Variants in ZXDC observed in about 807,000 individuals in gnomAD.
ZXDC encodes the protein ZXD family zinc finger C, also known as zinc finger protein ZXDC.
ZXDC carries 58 observed loss-of-function variants against 63.6 expected under a neutral mutation model. The observed-to-expected ratio is 0.91, with a 90% CI of 0.74 to 1.13. The LOEUF is 1.13. ZXDC is among the 50% of genes most tolerant of loss of function. ZXDC has a pLI of 0.00. For synonymous variants in ZXDC, 561 were observed against 496.1 expected (o/e 1.13, Z -1.74); for missense variants, 1,133 against 1,148.9 (o/e 0.99, Z 0.20).
At chr3:126,459,501 T>C (rs1934436637) in intron 7 of ZXDC, 152 bp downstream of exon 7, 1 of 1,479,014 alleles carries the variant, frequency 6.8e-7, no homozygotes, top group Non-Finnish European at 8.9e-7. Context: ...TTCCCTTAAG[T>C]TCAAATAAAA....
Position 126,466,216 on chromosome 3 carries a change from T to A in ZXDC, c.1380A>T (p.Arg460Ser). 6.2e-7 allele frequency: 1 copy of A among 1,614,106 alleles called. No individual in the cohort carries two copies. ...KSRCPVSTCN[R>S]LFTSKHSMKA... ...TCATGCTGTGCTTGGAGGTGAAGAG[T>A]CTGTTGCAGGTAGAAACTGGGCAAC... The change falls in exon 5 of 10, where the codon AGA (arginine) becomes AGT (serine). Residue 460 changes from arginine to serine, a missense_variant. Transcript: ENST00000389709.
intron 7 of ZXDC, among the ~76,000 whole-genome samples, chr3:126,452,826 T>A (rs1023526496): frequency 6.6e-6 from 1 of 151,072 alleles, no homozygotes; most frequent in East Asian, 2.0e-4. Context: ...ACAACCTCCA[T>A]CTCCTGGGCT....
intron 7 of ZXDC, chr3:126,453,333 T>A: frequency 1.0e-6 from 1 of 985,434 alleles, no homozygotes; most frequent in Non-Finnish European, 1.2e-6. Flanking sequence ...CATATCCCCT[T>A]AAGGATATGT....
chr3:126,468,846 C>G (rs1218040421), intron 4 of ZXDC, among the ~76,000 whole-genome samples: 4 of 152,174 alleles, frequency 2.6e-5, no homozygotes, highest in Non-Finnish European at 5.9e-5. Flanking sequence ...ACATTCCCCA[C>G]TCACCTCAGC....
Position 126,437,875 on chromosome 3 carries a change from G to A in ZXDC, c.*500C>T. 6.4e-6 allele frequency: 1 copy of A among 157,354 alleles called. No individual in the cohort carries two copies. The highest frequency in any genetic ancestry group is 1.9e-4 in the South Asian group (1 of 5,388). 9.7% of individuals were successfully genotyped at this position (157,354 alleles called of 1,614,324 possible). ...TGGGCTAGAATTTGGCTTCACGGTG[G>A]CAATGGGACCACCTGGGCCCTACAG... On this transcript the variant is annotated 3_prime_UTR_variant, in exon 10 of 10. Transcript: ENST00000389709.
chr3:126,457,151 G>A (rs565080860), intron 7 of ZXDC: 1 of 532,524 alleles, frequency 1.9e-6, no homozygotes, highest in East Asian at 1.5e-4. Context: ...GGGCACTGGG[G>A]GAGTCTGGTC....
Position 126,462,137 on chromosome 3 carries a change from T to C in ZXDC, c.1525A>G (p.Met509Val), listed in dbSNP as rs1934578022. ...SSPGQSELTN[M>V]DLAALFSDTP... ...TCAGAGAAGAGTGCAGCAAGATCCATGTTAGTGAGCTCACTTTGGCCTGGG... is the reference window on the plus strand; with the variant it reads ...TCAGAGAAGAGTGCAGCAAGATCCACGTTAGTGAGCTCACTTTGGCCTGGG... Residue 509 changes from methionine to valine, a missense_variant, in exon 6 of 10, where the codon ATG (methionine) becomes GTG (valine). By Grantham distance (21) the Met-to-Val change is conservative (BLOSUM62 1). Coordinates refer to ENST00000389709, the MANE Select transcript of ZXDC (RefSeq NM_025112.5). 2 of 1,613,498 alleles carry C rather than the reference T, an allele frequency of 1.2e-6. No homozygotes were observed. Among genetic ancestry groups the C allele is most frequent in the Non-Finnish European group, 1.7e-6 (2 of 1,180,022 alleles).
intron 7 of ZXDC, chr3:126,458,913 C>T (rs1029722034): frequency 1.5e-5 from 15 of 984,622 alleles, no homozygotes; most frequent in African/African-American, 1.2e-4. Flanking sequence ...AACAGAAAAC[C>T]GGCAATTGTT....
At chr3:126,453,432 G>A (rs1934188001) in intron 7 of ZXDC, 1 of 985,456 alleles carries the variant, frequency 1.0e-6, no homozygotes, top group African/African-American at 1.7e-5. Flanking sequence ...TGTTCTGATA[G>A]GAAGACATCT....
At chr3:126,439,481 A>C in intron 9 of ZXDC, 151 bp downstream of exon 9, 1 of 1,315,280 alleles carries the variant, frequency 7.6e-7, no homozygotes, top group Non-Finnish European at 1.0e-6. Flanking sequence ...CCTTCTCCAG[A>C]AGGCAGCAAG....
chr3:126,463,751 T>C (rs1196012542), intron 5 of ZXDC, among the ~76,000 whole-genome samples: 1 of 152,226 alleles, frequency 6.6e-6, no homozygotes, highest in Non-Finnish European at 1.5e-5. Flanking sequence ...ATTTCTCCCA[T>C]GCCAGCTGTT....
chr3:126,454,064 A>ATTT (rs11375010), intron 7 of ZXDC: 40 of 644,140 alleles, frequency 6.2e-5, no homozygotes, highest in South Asian at 7.1e-5. Context: ...ATATATATAT[A>ATTT]TTTTTTTTTT....
At position 126,475,165 on chromosome 3, in the gene ZXDC, T is replaced by C; in HGVS notation, c.701A>G (p.Lys234Arg). The C allele has an allele frequency of 1.2e-6, 2 of 1,603,990 alleles. No homozygotes were observed. Among genetic ancestry groups the C allele is most frequent in the Non-Finnish European group, 8.5e-7 (1 of 1,175,326 alleles). Reference protein sequence around the residue: ...KLKRHLQSHDKLRPFGCPVGG... With the variant: ...KLKRHLQSHDRLRPFGCPVGG... ...CACTGGACAGCCGAAGGGCCGCAGC[T>C]TGTCGTGCGACTGCAGGTGCCGCTT... Residue 234 changes from lysine to arginine, a missense_variant, in exon 1 of 10, where the codon AAG (lysine) becomes AGG (arginine). Transcript: ENST00000389709.
chr3:126,441,183 A>C (rs1933661100), intron 8 of ZXDC: 2 of 985,588 alleles, frequency 2.0e-6, no homozygotes, highest in Non-Finnish European at 2.4e-6. Context: ...GACCTCCTGG[A>C]AACTGGCCAC....
intron 5 of ZXDC, among the ~76,000 whole-genome samples, chr3:126,465,422 G>A (rs769102494): frequency 6.6e-5 from 10 of 152,164 alleles, no homozygotes; most frequent in African/African-American, 9.7e-5. Context: ...CCAGGCCACC[G>A]TCACTTTCCT....
At position 126,472,306 on chromosome 3, in the gene ZXDC, CTGAA is replaced by C; in HGVS notation, c.908-5_908-2del. On this transcript the variant is annotated splice_acceptor_variant and splice_polypyrimidine_tract_variant and intron_variant, in intron 1 of 9. Coordinates refer to ENST00000389709, the MANE Select transcript of ZXDC (RefSeq NM_025112.5). LOFTEE classifies it high-confidence loss of function. ...ACTGTGATAAATGTCTTCTCACAGC[CTGAA>C]CAAGGAAAACACAAACCCTGCTCAA... 6.2e-7 allele frequency: 1 copy of C among 1,603,474 alleles called. No individual in the cohort carries two copies. The highest frequency in any genetic ancestry group is 8.5e-7 in the Non-Finnish European group (1 of 1,171,314).
At chr3:126,468,516 C>T (rs976575262) in intron 4 of ZXDC, among the ~76,000 whole-genome samples, 1 of 152,172 alleles carries the variant, frequency 6.6e-6, no homozygotes. Context: ...CCATACACCA[C>T]GTGGGGAGTG....
intron 9 of ZXDC, among the ~76,000 whole-genome samples, chr3:126,439,228 G>A (rs956192967): frequency 2.0e-5 from 3 of 152,212 alleles, no homozygotes; most frequent in Non-Finnish European, 4.4e-5. Context: ...TAAGCTATAC[G>A]CTTTCGCTAT....
At chr3:126,448,472 CAA>C (rs1417412872) in intron 7 of ZXDC, among the ~76,000 whole-genome samples, 1 of 152,138 alleles carries the variant, frequency 6.6e-6, no homozygotes, top group Non-Finnish European at 1.5e-5. Flanking sequence ...GACAGGACCC[CAA>C]AGTGTCTGTG....
Sources: gnomAD v4.1 joint callset for allele counts (sites outside exome capture counted in the v4.1 genomes callset) on GRCh38, gnomAD v4.1.1 for gene constraint, MANE v1.5 for transcripts, NCBI Gene and HGNC (gene_info 2026-07-23, HGNC 2026-07-21) for gene names.